The following RAPGEF2 variants were observed in gnomAD, a reference collection of about 807,000 sequenced individuals.
RAPGEF2 encodes PDZ domain containing guanine nucleotide exchange factor (GEF) 1.
RAPGEF2 carries 54 observed loss-of-function variants against 186.7 expected under a neutral mutation model. The ratio of observed to expected loss-of-function variants is 0.29; its 90% CI spans 0.23 to 0.36. The LOEUF (loss-of-function observed/expected upper bound fraction) is 0.36. RAPGEF2 is among the 10% of genes least tolerant of loss of function. The pLI, the probability that RAPGEF2 is intolerant of heterozygous loss-of-function variation, is 1.00. For synonymous variants in RAPGEF2, 712 were observed against 705.9 expected, an observed-to-expected ratio of 1.01 and a Z score of -0.14; for missense variants, 1,532 against 2,045.0, an observed-to-expected ratio of 0.75 and a Z score of 4.84.
At chr4:159,180,293 G>A (rs560813012) in intron 1 of RAPGEF2, among the ~76,000 whole-genome samples, 1 of 151,940 alleles carries the variant, frequency 6.6e-6, no homozygotes, top group African/African-American at 2.4e-5. Context: ...TTCATTTTTC[G>A]GGGTCTGAGA....
chr4:159,221,248 A>G (rs1181514945), intron 4 of RAPGEF2, among the ~76,000 whole-genome samples: 1 of 152,162 alleles, frequency 6.6e-6, no homozygotes, highest in South Asian at 2.1e-4. Flanking sequence ...TGCAAAGGTG[A>G]AAGGTTACAG....
At chr4:159,173,403 T>C (rs1278649913) in intron 1 of RAPGEF2, among the ~76,000 whole-genome samples, 1 of 152,160 alleles carries the variant, frequency 6.6e-6, no homozygotes, top group Admixed American at 6.5e-5. Context: ...TGATAGTGCC[T>C]CTGGAATTAG....
chr4:159,274,310 T>C (rs1441751668), intron 7 of RAPGEF2, among the ~76,000 whole-genome samples: 1 of 152,228 alleles, frequency 6.6e-6, no homozygotes, highest in Non-Finnish European at 1.5e-5. Context: ...ATTACTGTCA[T>C]GTCTGTAGTG....
chr4:159,128,041 A>G (rs920670024), intron 1 of RAPGEF2, among the ~76,000 whole-genome samples: 1 of 152,156 alleles, frequency 6.6e-6, no homozygotes, highest in Admixed American at 6.5e-5. Flanking sequence ...ATATTTAGGT[A>G]TGTATATATA....
At chr4:159,170,164 C>T (rs534960651) in intron 1 of RAPGEF2, among the ~76,000 whole-genome samples, 1 of 150,728 alleles carries the variant, frequency 6.6e-6, no homozygotes, top group East Asian at 1.9e-4. Flanking sequence ...GATTAGTGAT[C>T]TTGAACATTT....
At chr4:159,201,122 G>GT (rs1220148193) in intron 3 of RAPGEF2, among the ~76,000 whole-genome samples, 1 of 152,086 alleles carries the variant, frequency 6.6e-6, no homozygotes, top group Admixed American at 6.5e-5. Context: ...AACTTATCTA[G>GT]TGAGCTTGCT....
At position 159,311,812 on chromosome 4, in the gene RAPGEF2, T is replaced by G. The variant is rs140455429; in HGVS notation, c.676-2779T>G. 4.5e-3 allele frequency among the ~76,000 whole-genome samples: 686 copies of G among 152,320 alleles called. 1 individual carries two copies. The highest frequency in any genetic ancestry group is 8.1e-3 in the Non-Finnish European group (550 of 68,008). On this transcript the variant is annotated intron_variant, in intron 8 of 29. Transcript: ENST00000691494. ...CAAGGCAGTGGTATTATGAAATTAG[T>G]AGGTCCCTGAAAAGTTGTTTATCAC...
At chr4:159,184,361 G>A (rs1436418779) in intron 1 of RAPGEF2, among the ~76,000 whole-genome samples, 1 of 152,220 alleles carries the variant, frequency 6.6e-6, no homozygotes, top group East Asian at 1.9e-4. Flanking sequence ...CCCACCAACA[G>A]TGTAAAAGTG....
rs183508850 is a variant in RAPGEF2, at chr4:159,231,191, C to T, written c.282-7618C>T. 2.0e-5 allele frequency among the ~76,000 whole-genome samples: 3 copies of T among 152,088 alleles called. No homozygotes were observed. In the East Asian group the frequency reaches 5.8e-4, roughly 29 times the overall value. The stretch of plus-strand genomic sequence containing the variant: ...GTAACATTCTTTATGGGTTTGTAGC[C>T]TAGGAGCAATAGGCTGTATCATCTA... On this transcript the variant is annotated intron_variant, in intron 4 of 29. Transcript: ENST00000691494.
At chr4:159,209,635 T>C (rs1345460003) in intron 3 of RAPGEF2, among the ~76,000 whole-genome samples, 2 of 152,200 alleles carry the variant, frequency 1.3e-5, no homozygotes, top group Non-Finnish European at 2.9e-5. Context: ...TCAATATTTG[T>C]TAAATTATAA....
At chr4:159,295,742 T>TGC (rs1761888594) in intron 7 of RAPGEF2, among the ~76,000 whole-genome samples, 9 of 133,456 alleles carry the variant, frequency 6.7e-5, no homozygotes, top group Admixed American at 1.4e-4. Flanking sequence ...TGTGTGTGTG[T>TGC]GTGTGTGTGT....
At chr4:159,347,739 G>A (rs1259182926) in intron 25 of RAPGEF2, among the ~76,000 whole-genome samples, 9 of 152,222 alleles carry the variant, frequency 5.9e-5, no homozygotes, top group Non-Finnish European at 1.0e-4. Flanking sequence ...AGCCTAGATC[G>A]CACCGCTGCA....
At chr4:159,104,616 C>T (rs907432625) in intron 1 of RAPGEF2, among the ~76,000 whole-genome samples, 13 of 151,828 alleles carry the variant, frequency 8.6e-5, no homozygotes, top group East Asian at 3.9e-4. Context: ...TCTCCCCAGC[C>T]GCCCTCCGTG....
At chr4:159,178,010 A>C (rs1479422354) in intron 1 of RAPGEF2, among the ~76,000 whole-genome samples, 1 of 152,182 alleles carries the variant, frequency 6.6e-6, no homozygotes, top group Non-Finnish European at 1.5e-5. Flanking sequence ...GTCCATAGAC[A>C]TTTACCACTT....
chr4:159,219,146 C>T (rs1372775788), intron 4 of RAPGEF2, among the ~76,000 whole-genome samples: 1 of 152,126 alleles, frequency 6.6e-6, no homozygotes, highest in Non-Finnish European at 1.5e-5. Context: ...AAGTCTTCTG[C>T]ACTTATTTAC....
At position 159,354,029 on chromosome 4, in the gene RAPGEF2, C is replaced by G; in HGVS notation, c.4634C>G (p.Thr1545Ser). The change falls in exon 28 of 30, where the codon ACT becomes AGT. Residue 1545 changes from threonine (T) to serine (S), a missense_variant. By Grantham distance (58) the Thr-to-Ser change is moderately conservative. Transcript: ENST00000691494. Reference protein sequence around the residue: ...MPAHIAVASSTTKGLIARKEG... With the variant: ...MPAHIAVASSSTKGLIARKEG... ...GCCCACATAGCTGTGGCATCAAGTACTACAAAGGGGCTCATTGGTAAGTTT... is the reference window on the plus strand; with the variant it reads ...GCCCACATAGCTGTGGCATCAAGTAGTACAAAGGGGCTCATTGGTAAGTTT... 6.3e-7 allele frequency: 1 copy of G among 1,583,086 alleles called. No homozygotes were observed. The highest frequency in any genetic ancestry group is 8.6e-7 in the Non-Finnish European group (1 of 1,167,824).
chr4:159,123,003 A>G (rs1237123500), intron 1 of RAPGEF2, among the ~76,000 whole-genome samples: 8 of 149,550 alleles, frequency 5.3e-5, no homozygotes, highest in Non-Finnish European at 1.2e-4. Flanking sequence ...ATACTGATAC[A>G]GTACTGTAAA....
At chr4:159,259,256 G>C (rs1479378850) in intron 7 of RAPGEF2, among the ~76,000 whole-genome samples, 3 of 152,088 alleles carry the variant, frequency 2.0e-5, no homozygotes, top group African/African-American at 7.2e-5. Context: ...TGGCCCAAAG[G>C]AGATATATAT....
intron 1 of RAPGEF2, among the ~76,000 whole-genome samples, chr4:159,123,407 T>A (rs1739930909): frequency 6.6e-6 from 1 of 152,178 alleles, no homozygotes; most frequent in African/African-American, 2.4e-5. Context: ...TTGCCTGCCT[T>A]GGTGGTTACA....
Sources: gnomAD v4.1 joint callset for allele counts (sites outside exome capture counted in the v4.1 genomes callset) on GRCh38, gnomAD v4.1.1 for gene constraint, MANE v1.5 for transcripts, NCBI Gene and HGNC (gene_info 2026-07-23, HGNC 2026-07-21) for gene names.